ARHGEF3: variants seen among roughly 807,000 people sequenced by gnomAD.
ARHGEF3 encodes 59.8 kDA protein.
ARHGEF3 carries 28 observed loss-of-function variants against 63.2 expected under a neutral mutation model. That is an observed-to-expected ratio of 0.44 (90% CI 0.33 to 0.61). The LOEUF is 0.61. Ranked by LOEUF, ARHGEF3 falls within the 20% of genes least tolerant of loss-of-function variation. ARHGEF3 has a pLI of 0.03. For missense variants in ARHGEF3, 533 were observed against 659.3 expected (o/e 0.81, Z 2.10); for synonymous variants, 266 against 254.2 (o/e 1.05, Z -0.44).
intron 3 of ARHGEF3, among the ~76,000 whole-genome samples, chr3:56,921,907 A>G (rs1560052749): frequency 1.3e-5 from 2 of 152,352 alleles, no homozygotes; most frequent in Admixed American, 1.3e-4. Flanking sequence ...TGGAAGTCTC[A>G]ACGATTGCTA....
At chr3:56,803,988 G>A (rs113486680), upstream of ARHGEF3, among the ~76,000 whole-genome samples, 5,966 of 151,318 alleles carry the variant, frequency 0.039, 127 homozygotes, top group African/African-American at 0.052. Context: ...GGGCTCAAGT[G>A]ATCTTTCCAC....
At chr3:56,751,765 ATTC>A (rs1461327137) in intron 4 of ARHGEF3, among the ~76,000 whole-genome samples, 2 of 152,224 alleles carry the variant, frequency 1.3e-5, no homozygotes, top group Non-Finnish European at 2.9e-5. Context: ...CTACTAGCAG[ATTC>A]TTTTTTCAAT....
rs1266077447 is a variant in ARHGEF3, at chr3:56,751,409, G to A, written c.439-13C>T. 8.1e-6 allele frequency: 13 copies of A among 1,598,832 alleles called. No individual in the cohort carries two copies. Among genetic ancestry groups the A allele is most frequent in the African/African-American group, 1.3e-5 (1 of 74,560 alleles). On this transcript the variant is annotated splice_polypyrimidine_tract_variant and intron_variant, in intron 4 of 9. Transcript: ENST00000296315. ...GGTCATGATAGGCCTGCACAAAAAC[G>A]GCAAGAGATGGAAGCACATGTTTAA...
chr3:57,032,359 A>G (rs1703768492), intron 2 of ARHGEF3, among the ~76,000 whole-genome samples: 1 of 152,234 alleles, frequency 6.6e-6, no homozygotes. Context: ...CAGATTCTGA[A>G]TAACAACTGA....
At chr3:56,879,955 C>G (rs1043948636) in intron 4 of ARHGEF3, among the ~76,000 whole-genome samples, 1 of 152,200 alleles carries the variant, frequency 6.6e-6, no homozygotes, top group African/African-American at 2.4e-5. Context: ...GAGAAAGTTA[C>G]TTAAATTTAG....
intron 7 of ARHGEF3, among the ~76,000 whole-genome samples, chr3:56,740,801 G>T (rs1418783191): frequency 6.6e-6 from 1 of 152,172 alleles, no homozygotes; most frequent in Non-Finnish European, 1.5e-5. Context: ...CTGGACAGCC[G>T]GAATTAATCA....
intron 3 of ARHGEF3, among the ~76,000 whole-genome samples, chr3:56,883,203 A>G (rs999150535): frequency 5.9e-5 from 9 of 152,262 alleles, no homozygotes; most frequent in Non-Finnish European, 5.9e-5. Context: ...TGATTTTTAA[A>G]AAGTTATTAG....
intron 2 of ARHGEF3, among the ~76,000 whole-genome samples, chr3:57,017,988 GA>G (rs1703091960): frequency 6.6e-6 from 1 of 152,194 alleles, no homozygotes; most frequent in Admixed American, 6.6e-5. Flanking sequence ...CTTCATTCAA[GA>G]TGCTTAAAAG....
chr3:56,729,975 G>A (rs1275946609), intron 9 of ARHGEF3, among the ~76,000 whole-genome samples: 1 of 152,176 alleles, frequency 6.6e-6, no homozygotes, highest in Non-Finnish European at 1.5e-5. Flanking sequence ...AGACAGATGC[G>A]CTCAGAGGCT....
chr3:56,835,119 A>G (rs2108087466), intron 4 of ARHGEF3, among the ~76,000 whole-genome samples: 1 of 152,250 alleles, frequency 6.6e-6, no homozygotes, highest in East Asian at 1.9e-4. Context: ...TAAATTCTCT[A>G]AATTATCTTG....
At chr3:56,914,837 A>T (rs1326820308) in intron 3 of ARHGEF3, among the ~76,000 whole-genome samples, 4 of 152,116 alleles carry the variant, frequency 2.6e-5, no homozygotes, top group African/African-American at 9.7e-5. Context: ...TTGCCAGGGG[A>T]TGGGGGAGGG....
chr3:56,995,979 C>G (rs529510778), intron 2 of ARHGEF3, among the ~76,000 whole-genome samples: 1 of 152,214 alleles, frequency 6.6e-6, no homozygotes, highest in Non-Finnish European at 1.5e-5. Context: ...TATCAAAGAG[C>G]AAGGCCCTGG....
In ARHGEF3 at chr3:56,855,584, G is replaced by A. The variant is rs531068764; in HGVS notation, c.192+26708C>T. On this transcript the variant is annotated intron_variant, in intron 4 of 12. Transcript: ENST00000338458. ...TGTAATCCCAGCTATTCGGGAGGCT[G>A]AGGCAGGAGAATCGCTTGAACCTGG... Among the ~76,000 whole-genome samples the A allele has an allele frequency of 1.1e-4, 17 of 152,032 alleles. No individual in the cohort carries two copies. The East Asian group carries it at 3.1e-3, about 28-fold the overall frequency.
At chr3:56,943,467 T>C (rs900003601) in intron 3 of ARHGEF3, among the ~76,000 whole-genome samples, 1 of 152,206 alleles carries the variant, frequency 6.6e-6, no homozygotes, top group Admixed American at 6.5e-5. Context: ...TTTTAAAATA[T>C]TACTGCTCAC....
intron 4 of ARHGEF3, among the ~76,000 whole-genome samples, chr3:56,863,906 A>G (rs1323273744): frequency 6.6e-6 from 1 of 152,218 alleles, no homozygotes; most frequent in Non-Finnish European, 1.5e-5. Context: ...CTATACAATG[A>G]CAGAAGGTAA....
chr3:56,933,878 C>A (rs1397951495), intron 3 of ARHGEF3, among the ~76,000 whole-genome samples: 1 of 152,176 alleles, frequency 6.6e-6, no homozygotes, highest in Non-Finnish European at 1.5e-5. Context: ...GTGATTGGAT[C>A]ATGGGGGCAG....
intron 2 of ARHGEF3, among the ~76,000 whole-genome samples, chr3:57,031,342 T>C (rs1406163710): frequency 6.6e-6 from 1 of 152,188 alleles, no homozygotes; most frequent in African/African-American, 2.4e-5. Context: ...GACAGAAAAG[T>C]CTTTCTAGGT....
In ARHGEF3 at chr3:56,979,076, A is replaced by G. The variant is rs1411270122; in HGVS notation, c.63-20187T>C. On this transcript the variant is annotated intron_variant, in intron 2 of 12. Coordinates refer to the ARHGEF3 transcript ENST00000338458. The stretch of plus-strand genomic sequence containing the variant: ...AAGACTGAGGTGGGAGGATGGCTTG[A>G]GCCCAGAGCCCAGGCTGCAGTGAAC... 2.0e-5 allele frequency among the ~76,000 whole-genome samples: 3 copies of G among 152,200 alleles called. No homozygotes were observed. In the East Asian group the frequency reaches 5.8e-4, roughly 29 times the overall value.
intron 4 of ARHGEF3, among the ~76,000 whole-genome samples, chr3:56,869,578 T>C (rs1002738155): frequency 6.6e-6 from 1 of 152,232 alleles, no homozygotes; most frequent in Non-Finnish European, 1.5e-5. Context: ...ACATATCTCC[T>C]TCTCTTCACA....
Sources: gnomAD v4.1 joint callset for allele counts (sites outside exome capture counted in the v4.1 genomes callset) on GRCh38, gnomAD v4.1.1 for gene constraint, MANE v1.5 for transcripts, NCBI Gene and HGNC (gene_info 2026-07-23, HGNC 2026-07-21) for gene names.